PHF21B: variants seen among roughly 807,000 people sequenced by gnomAD.
PHF21B encodes the protein PHD finger protein 4.
In PHF21B, 22 loss-of-function variants were observed where a neutral mutation model predicts 62.2. The ratio of observed to expected loss-of-function variants is 0.35; its 90% CI spans 0.25 to 0.51. The LOEUF (loss-of-function observed/expected upper bound fraction) is 0.51. PHF21B is among the 20% of genes least tolerant of loss of function. PHF21B has a pLI of 0.97. For synonymous variants in PHF21B, 341 were observed against 314.7 expected (o/e 1.08, Z -0.88); for missense variants, 701 against 707.9 (o/e 0.99, Z 0.11).
At chr22:45,008,388 C>A (rs2073365004) in intron 2 of PHF21B, 157 bp downstream of exon 2, 1 of 636,078 alleles carries the variant, frequency 1.6e-6, no homozygotes, top group Non-Finnish European at 2.3e-6. Flanking sequence ...TCTTTCTTTC[C>A]AGGAAAGGGG....
intron 2 of PHF21B, among the ~76,000 whole-genome samples, chr22:44,965,674 G>A (rs6007402): frequency 6.6e-6 from 1 of 152,162 alleles, no homozygotes; most frequent in Admixed American, 6.5e-5. Flanking sequence ...TCGCCCTCCA[G>A]ACCAGAGCTG....
Position 44,963,983 on chromosome 22 carries a change from C to T in PHF21B, c.121-43493G>A, listed in dbSNP as rs2072475025. Among the ~76,000 whole-genome samples the T allele has an allele frequency of 5.3e-5, 8 of 152,252 alleles. No homozygotes were observed. The South Asian group carries it at 1.7e-3, about 31-fold the overall frequency. On this transcript the variant is annotated intron_variant, in intron 2 of 12. Coordinates refer to ENST00000313237, the MANE Select transcript of PHF21B (RefSeq NM_138415.5). ...GTCATCTTTGGAAGGGCACTGGCTC[C>T]AGGGCCAGCCAGCTGTGTTCCAGCC...
chr22:44,889,637 G>C (rs1238438535), intron 9 of PHF21B, 123 bp downstream of exon 9: 2 of 1,240,566 alleles, frequency 1.6e-6, no homozygotes, highest in Non-Finnish European at 2.2e-6. Flanking sequence ...CCTAAAGGCA[G>C]AACCGAAAGG....
At chr22:44,954,783 G>A (rs2073239) in intron 2 of PHF21B, among the ~76,000 whole-genome samples, 103,397 of 151,984 alleles carry the variant, frequency 0.68, 38,070 homozygotes, top group East Asian at 0.89. Flanking sequence ...CCCACCCCAC[G>A]CTCCCAGGAA....
intron 8 of PHF21B, among the ~76,000 whole-genome samples, chr22:44,891,040 C>T (rs572113749): frequency 6.6e-6 from 1 of 152,224 alleles, no homozygotes; most frequent in Non-Finnish European, 1.5e-5. Context: ...CTGGGTCACA[C>T]CTGCAGAGGC....
intron 2 of PHF21B, among the ~76,000 whole-genome samples, chr22:44,929,824 G>A (rs990732466): frequency 2.0e-4 from 30 of 152,204 alleles, no homozygotes; most frequent in Admixed American, 5.9e-4. Flanking sequence ...AGCATGAGGC[G>A]GCAGGCCTGA....
rs780835140 is a variant in PHF21B, at chr22:44,883,241, G to A, written c.1441C>T (p.Arg481Cys). 27 of 1,613,816 alleles carry A rather than the reference G, an allele frequency of 1.7e-5. No homozygotes were observed. In the Admixed American group the frequency reaches 1.8e-4, roughly 11 times the overall value. The change falls in exon 13 of 13, where the codon CGC becomes TGC. Residue 481 changes from arginine to cysteine, a missense_variant. Coordinates refer to ENST00000313237, the MANE Select transcript of PHF21B (RefSeq NM_138415.5). ...RQRGTQSSLDRLRALLRLIQG... is the reference protein window; with the variant it reads ...RQRGTQSSLDCLRALLRLIQG... ...ATCAGTCTCAGGAGGGCCCGCAGGC[G>A]GTCCAGGGATGACTGGGTGCCCCTC...
chr22:44,928,404 T>A (rs974359213), intron 2 of PHF21B, among the ~76,000 whole-genome samples: 4 of 152,282 alleles, frequency 2.6e-5, no homozygotes, highest in African/African-American at 9.6e-5. Context: ...GCACCCCTTC[T>A]TCCCATGAAA....
chr22:45,008,461 A>C, intron 2 of PHF21B, 84 bp downstream of exon 2: 1 of 1,322,076 alleles, frequency 7.6e-7, no homozygotes, highest in Non-Finnish European at 1.0e-6. Context: ...TGCGTCGCCC[A>C]GGCTGGCACT....
Position 44,932,728 on chromosome 22 carries a change from C to A in PHF21B, c.121-12238G>T, listed in dbSNP as rs550436501. On this transcript the variant is annotated intron_variant, in intron 2 of 12. Coordinates refer to ENST00000313237, the MANE Select transcript of PHF21B (RefSeq NM_138415.5). Reference sequence around the variant, plus strand: ...TGCACCACGGAATGCCGATGACGGCCCAGCAGGTGCTCCTCTCTCTGCAGA... The same window carrying A: ...TGCACCACGGAATGCCGATGACGGCACAGCAGGTGCTCCTCTCTCTGCAGA... 2.6e-5 allele frequency among the ~76,000 whole-genome samples: 4 copies of A among 152,364 alleles called. No homozygotes were observed. The South Asian group carries it at 8.3e-4, about 32-fold the overall frequency.
chr22:44,915,354 C>G (rs1017697615), intron 4 of PHF21B, among the ~76,000 whole-genome samples: 4 of 152,206 alleles, frequency 2.6e-5, no homozygotes, highest in African/African-American at 9.6e-5. Context: ...ATCTATGTGC[C>G]TAGTAAATGA....
intron 2 of PHF21B, among the ~76,000 whole-genome samples, chr22:44,966,250 A>G (rs1337026245): frequency 1.3e-5 from 2 of 152,314 alleles, no homozygotes; most frequent in East Asian, 1.9e-4. Flanking sequence ...GACGTCCCCA[A>G]CCACGCGACG....
At chr22:44,900,213 C>T (rs1260558765) in intron 5 of PHF21B, among the ~76,000 whole-genome samples, 4 of 152,154 alleles carry the variant, frequency 2.6e-5, no homozygotes, top group Admixed American at 2.6e-4. Context: ...TTGATGCTCA[C>T]CCCAGTGCTG....
At chr22:44,898,675 G>T (rs2071102807) in intron 5 of PHF21B, among the ~76,000 whole-genome samples, 1 of 152,136 alleles carries the variant, frequency 6.6e-6, no homozygotes, top group Non-Finnish European at 1.5e-5. Flanking sequence ...AAATTGTAAT[G>T]AAACTTATCA....
intron 2 of PHF21B, among the ~76,000 whole-genome samples, chr22:44,954,469 C>T (rs79779379): frequency 0.047 from 7,091 of 152,226 alleles, 540 homozygotes; most frequent in African/African-American, 0.16. Context: ...AAGAAACAGC[C>T]GGCTCTGATG....
At chr22:45,001,590 G>GT (rs764237271) in intron 2 of PHF21B, among the ~76,000 whole-genome samples, 7 of 152,246 alleles carry the variant, frequency 4.6e-5, no homozygotes, top group Non-Finnish European at 8.8e-5. Flanking sequence ...GCTATATCAA[G>GT]TGAAAGCCCT....
At chr22:44,912,015 G>A (rs1176593310) in intron 5 of PHF21B, among the ~76,000 whole-genome samples, 1 of 152,280 alleles carries the variant, frequency 6.6e-6, no homozygotes, top group African/African-American at 2.4e-5. Flanking sequence ...GAGACAGGGA[G>A]TCAAAGGAGA....
chr22:44,983,290 G>A (rs368247888), intron 2 of PHF21B, among the ~76,000 whole-genome samples: 5 of 151,854 alleles, frequency 3.3e-5, no homozygotes, highest in Non-Finnish European at 7.4e-5. Context: ...GACCTAAAAC[G>A]GGAAAGCGAG....
In PHF21B at chr22:44,978,790, T is replaced by C. The variant is rs2072784882; in HGVS notation, c.120+29755A>G. Among the ~76,000 whole-genome samples, 3 of 152,330 alleles carry C rather than the reference T, an allele frequency of 2.0e-5. No individual in the cohort carries two copies. The South Asian group carries it at 6.2e-4, about 32-fold the overall frequency. ...CTCCCGTAGGAGCTAACCAATCTCC[T>C]GGCTCCCATAGGCGAAGGCTGTTGA... On this transcript the variant is annotated intron_variant, in intron 2 of 12. Coordinates refer to ENST00000313237, the MANE Select transcript of PHF21B (RefSeq NM_138415.5).
Sources: allele counts gnomAD v4.1 joint callset (sites outside exome capture counted in the v4.1 genomes callset), GRCh38; gene constraint gnomAD v4.1.1; transcripts MANE v1.5; gene names NCBI Gene and HGNC (gene_info 2026-07-23, HGNC 2026-07-21).